Variants in NEBL observed in about 807,000 individuals in gnomAD.
The protein encoded by NEBL is LIM and SH3 protein 2.
Under a neutral mutation model 140.2 loss-of-function variants are expected in NEBL, and 122 were observed. That is an observed-to-expected ratio of 0.87 (90% confidence interval 0.75 to 1.01). The LOEUF (loss-of-function observed/expected upper bound fraction) is 1.01. Among genes scored for constraint, NEBL ranks in the 50% least tolerant of loss-of-function variants. The pLI, the probability that NEBL is intolerant of heterozygous loss-of-function variation, is 0.00. For missense variants in NEBL, 1,365 were observed against 1,231.3 expected (o/e 1.11, Z -1.62); for synonymous variants, 436 against 398.9 (o/e 1.09, Z -1.11).
intron 3 of NEBL, among the ~76,000 whole-genome samples, chr10:20,994,653 G>C (rs1837595698): frequency 6.6e-6 from 1 of 152,098 alleles, no homozygotes. Context: ...CATATAGCCT[G>C]CTATTCACTG....
At position 21,272,184 on chromosome 10, in the gene NEBL, C is replaced by T. The variant is rs1389701353; in HGVS notation, n.183-20356G>A. On this transcript the variant is annotated intron_variant and non_coding_transcript_variant, in intron 1 of 8. Coordinates refer to the NEBL transcript ENST00000675702. The stretch of plus-strand genomic sequence containing the variant: ...GTTTCACCATGTTAGCCAGGATGGT[C>T]TCGATCTCCTGACCTCGTTATCCAC... 2.3e-5 allele frequency among the ~76,000 whole-genome samples: 3 copies of T among 131,204 alleles called. No individual in the cohort carries two copies. In the East Asian group the frequency reaches 7.0e-4, roughly 31 times the overall value. The allele number at this position is 131,204 out of a possible 152,430, so 86.1% of individuals were successfully genotyped here. A position where few individuals can be genotyped will look rare whatever the true frequency, so the allele number is the denominator to read the frequency against.
chr10:21,142,221 G>C (rs946311782), intron 2 of NEBL, among the ~76,000 whole-genome samples: 2 of 152,046 alleles, frequency 1.3e-5, no homozygotes, highest in Non-Finnish European at 2.9e-5. Context: ...CTTTCTCAGA[G>C]ACCATGACCA....
intron 2 of NEBL, among the ~76,000 whole-genome samples, chr10:21,066,116 A>C (rs530912643): frequency 7.9e-5 from 12 of 152,278 alleles, no homozygotes; most frequent in African/African-American, 2.6e-4. Context: ...TGAAGTACAG[A>C]CCTGTGAGTT....
intron 2 of NEBL, chr10:21,029,075 G>A (rs1361280284): frequency 3.4e-5 from 37 of 1,099,862 alleles, no homozygotes; most frequent in Non-Finnish European, 4.5e-5. Context: ...GAGGACTGGG[G>A]GACTGGTGGA....
rs1588748697 is a variant in NEBL, at chr10:20,840,360, G to A, written c.1338+379C>T. Among the ~76,000 whole-genome samples, 4 of 152,196 alleles carry A rather than the reference G, an allele frequency of 2.6e-5. No individual in the cohort carries two copies. The East Asian group carries it at 7.7e-4, about 29-fold the overall frequency. ...AATAAGGTTCAAACAGCAGCCCAGG[G>A]CAAGACTGGGAGAGTCAGTTGGGTT... is the stretch of plus-strand genomic sequence containing the variant. On this transcript the variant is annotated intron_variant, in intron 13 of 27. Transcript: ENST00000377122.
chr10:20,852,096 G>GA (rs1842600697), intron 10 of NEBL, among the ~76,000 whole-genome samples: 3 of 151,646 alleles, frequency 2.0e-5, no homozygotes, highest in East Asian at 1.9e-4. Context: ...TTTCATATTG[G>GA]AAAAAAATAT....
At chr10:21,177,477 C>T (rs189541459), upstream of NEBL, among the ~76,000 whole-genome samples, 193 of 152,026 alleles carry the variant, frequency 1.3e-3, no homozygotes, top group African/African-American at 4.4e-3. Flanking sequence ...TCCACTTCAT[C>T]AACAACAAGA....
At position 20,812,803 on chromosome 10, in the gene NEBL, G is replaced by A. The variant is rs1315850585; in HGVS notation, c.2484C>T (p.Ile828=). The A allele has an allele frequency of 4.3e-6, 7 of 1,613,934 alleles. No homozygotes were observed. Among genetic ancestry groups the A allele is most frequent in the Non-Finnish European group, 5.9e-6 (7 of 1,179,920 alleles). The change falls in exon 24 of 28, where the codon ATC becomes ATT. Residue 828 remains isoleucine (I), a synonymous_variant. Coordinates refer to ENST00000377122, the MANE Select transcript of NEBL (RefSeq NM_006393.3). The part of the protein sequence containing the change: ...DAAYKGVHPH[I]VEMDRRPGII... Reference sequence around the variant, plus strand: ...TTCCAGGTCTCCTGTCCATCTCCACGATGTGAGGGTGGACCCCTTTATAGG... The same window carrying A: ...TTCCAGGTCTCCTGTCCATCTCCACAATGTGAGGGTGGACCCCTTTATAGG...
At chr10:20,904,009 G>A (rs188191600) in intron 4 of NEBL, among the ~76,000 whole-genome samples, 47 of 150,718 alleles carry the variant, frequency 3.1e-4, no homozygotes, top group East Asian at 2.3e-3. Context: ...AAAAACCATC[G>A]AAATAAAAAT....
chr10:20,816,117 C>CA (rs1185658452), intron 21 of NEBL, among the ~76,000 whole-genome samples: 2 of 152,016 alleles, frequency 1.3e-5, no homozygotes, highest in Admixed American at 6.5e-5. Flanking sequence ...TAGGAAACTA[C>CA]AAAAAATATT....
At chr10:20,887,644 T>C (rs1846648726) in intron 4 of NEBL, among the ~76,000 whole-genome samples, 1 of 152,166 alleles carries the variant, frequency 6.6e-6, no homozygotes, top group Non-Finnish European at 1.5e-5. Flanking sequence ...CTTCAACTCC[T>C]GAGCTCAAGC....
At chr10:21,278,669 G>T (rs531539468) in intron 1 of NEBL, among the ~76,000 whole-genome samples, 1 of 152,190 alleles carries the variant, frequency 6.6e-6, no homozygotes. Context: ...ATTCTGCCAA[G>T]AAGAATGCAG....
At chr10:21,048,329 C>G (rs1453006346) in intron 2 of NEBL, among the ~76,000 whole-genome samples, 1 of 151,878 alleles carries the variant, frequency 6.6e-6, no homozygotes. Flanking sequence ...TGGGGAAACA[C>G]GGCTGGAAAA....
intron 2 of NEBL, among the ~76,000 whole-genome samples, chr10:21,162,979 ACT>A (rs1340178725): frequency 6.6e-6 from 1 of 152,144 alleles, no homozygotes; most frequent in Admixed American, 6.5e-5. Context: ...TGTGCCTGAA[ACT>A]CTGCTAAGCT....
chr10:21,066,528 T>C (rs983856860), intron 2 of NEBL, among the ~76,000 whole-genome samples: 3 of 152,206 alleles, frequency 2.0e-5, no homozygotes, highest in African/African-American at 7.2e-5. Flanking sequence ...AAAACAAATA[T>C]GTCTAAGATA....
Position 20,888,354 on chromosome 10 carries a change from G to C in NEBL, c.259-147C>G, listed in dbSNP as rs1425883327. 7 of 644,132 alleles carry C rather than the reference G, an allele frequency of 1.1e-5. No individual in the cohort carries two copies. In the East Asian group the frequency reaches 1.9e-4, roughly 18 times the overall value. The allele number at this position is 644,132 out of a possible 1,614,324, so 39.9% of individuals were successfully genotyped here. A position where few individuals can be genotyped will look rare whatever the true frequency, so the allele number is the denominator to read the frequency against. ...CATTTTAATTTTAGATACCAGAGCT[G>C]ACAAACTCCAGGATTCTGAAGAGAT... On this transcript the variant is annotated intron_variant, in intron 3 of 27. Transcript: ENST00000377122.
At chr10:20,997,414 A>T (rs946576849) in intron 3 of NEBL, among the ~76,000 whole-genome samples, 4 of 141,364 alleles carry the variant, frequency 2.8e-5, no homozygotes, top group Middle Eastern at 7.7e-3. Flanking sequence ...CACAGTCACC[A>T]TTAGGTACCC....
intron 26 of NEBL, among the ~76,000 whole-genome samples, chr10:20,793,104 C>A (rs1238705227): frequency 6.6e-6 from 1 of 152,096 alleles, no homozygotes; most frequent in African/African-American, 2.4e-5. Flanking sequence ...AGCCAGATTG[C>A]CTCTAGATTT....
intron 3 of NEBL, among the ~76,000 whole-genome samples, chr10:21,180,076 G>T (rs1005779132): frequency 6.6e-6 from 1 of 152,092 alleles, no homozygotes; most frequent in African/African-American, 2.4e-5. Context: ...GGTGGAGGTT[G>T]CAGTGAGCTG....
Sources: gnomAD v4.1 joint callset for allele counts (sites outside exome capture counted in the v4.1 genomes callset) on GRCh38, gnomAD v4.1.1 for gene constraint, MANE v1.5 for transcripts, NCBI Gene and HGNC (gene_info 2026-07-23, HGNC 2026-07-21) for gene names.